Variants in INSC observed in about 807,000 individuals in gnomAD.
INSC encodes protein inscuteable homolog.
Under a neutral mutation model 58.6 loss-of-function variants are expected in INSC, and 67 were observed. The observed-to-expected ratio is 1.14, with a 90% CI of 0.94 to 1.40. The LOEUF is 1.40. Ranked by LOEUF, INSC falls within the 40% of genes most tolerant of loss-of-function variation. INSC has a pLI of 0.00. For synonymous variants in INSC, 262 were observed against 276.1 expected, an observed-to-expected ratio of 0.95 and a Z score of 0.51; for missense variants, 714 against 692.0, an observed-to-expected ratio of 1.03 and a Z score of -0.36.
chr11:15,159,262 C>T (rs1848931628), intron 2 of INSC, among the ~76,000 whole-genome samples: 1 of 152,062 alleles, frequency 6.6e-6, no homozygotes, highest in South Asian at 2.1e-4. Flanking sequence ...AGTTCTGGAG[C>T]CTTGTAGATG....
intron 12 of INSC, chr11:15,241,643 A>G (rs1307539247): frequency 1.4e-6 from 1 of 702,970 alleles, no homozygotes; most frequent in Non-Finnish European, 2.6e-6. Flanking sequence ...TGGCACATTC[A>G]AGGTAATCTT....
downstream of INSC, among the ~76,000 whole-genome samples, chr11:15,251,956 A>G (rs1300794823): frequency 6.6e-6 from 1 of 152,224 alleles, no homozygotes; most frequent in Non-Finnish European, 1.5e-5. Context: ...CATTATTCAT[A>G]GTTGCCCAAA....
intron 1 of INSC, among the ~76,000 whole-genome samples, chr11:15,140,684 TC>T (rs1360172532): frequency 2.0e-5 from 3 of 151,778 alleles, no homozygotes; most frequent in South Asian, 2.1e-4. Flanking sequence ...GTTCAGGCAG[TC>T]CCCCCACCTC....
At chr11:15,169,985 G>A (rs569484654) in intron 2 of INSC, among the ~76,000 whole-genome samples, 7 of 152,260 alleles carry the variant, frequency 4.6e-5, no homozygotes, top group South Asian at 2.1e-4. Flanking sequence ...CCACAGTTAC[G>A]AAAATGTGTG....
At chr11:15,196,011 G>A (rs1171730736) in intron 6 of INSC, among the ~76,000 whole-genome samples, 1 of 152,130 alleles carries the variant, frequency 6.6e-6, no homozygotes, top group Non-Finnish European at 1.5e-5. Context: ...CTACATTTCT[G>A]TCCACAGGCT....
At chr11:15,115,235 CAG>C (rs1847663850) in intron 1 of INSC, among the ~76,000 whole-genome samples, 1 of 152,160 alleles carries the variant, frequency 6.6e-6, no homozygotes, top group African/African-American at 2.4e-5. Context: ...ACGAGTGTGT[CAG>C]AGTGTGTGGT....
At chr11:15,149,345 G>A in intron 2 of INSC, 115 bp downstream of exon 2, 1 of 1,075,524 alleles carries the variant, frequency 9.3e-7, no homozygotes, top group South Asian at 2.3e-5. Flanking sequence ...CAATTTTCTG[G>A]GGAGGATGCC....
chr11:15,171,981 T>C (rs1849417338), intron 2 of INSC, among the ~76,000 whole-genome samples: 1 of 152,166 alleles, frequency 6.6e-6, no homozygotes. Flanking sequence ...TGGCCACAGA[T>C]GGCCAGGGGA....
At chr11:15,222,952 C>T (rs1851501217) in intron 8 of INSC, among the ~76,000 whole-genome samples, 1 of 152,188 alleles carries the variant, frequency 6.6e-6, no homozygotes, top group Admixed American at 6.5e-5. Context: ...AAGTTACTTT[C>T]CTAAGGCCAC....
chr11:15,150,660 C>T (rs181135874), intron 2 of INSC, among the ~76,000 whole-genome samples: 4 of 152,324 alleles, frequency 2.6e-5, no homozygotes, highest in Non-Finnish European at 4.4e-5. Flanking sequence ...TCAGGAGCAA[C>T]AGCCTCCTAG....
At chr11:15,248,878 A>G (rs927580761), downstream of INSC, among the ~76,000 whole-genome samples, 7 of 152,172 alleles carry the variant, frequency 4.6e-5, no homozygotes, top group South Asian at 6.2e-4. Context: ...TAAGGAAGCT[A>G]TTGAGGGATG....
chr11:15,233,339 T>G (rs1340423315), intron 9 of INSC, among the ~76,000 whole-genome samples: 1 of 152,224 alleles, frequency 6.6e-6, no homozygotes, highest in Non-Finnish European at 1.5e-5. Context: ...CATTGTTAAC[T>G]TGTATCCAAC....
chr11:15,215,409 C>G (rs1288533702), intron 7 of INSC, among the ~76,000 whole-genome samples: 1 of 152,180 alleles, frequency 6.6e-6, no homozygotes, highest in African/African-American at 2.4e-5. Context: ...GTGGGCTACT[C>G]CTGGGCCCAT....
chr11:15,212,375 C>T (rs752332543), intron 7 of INSC, among the ~76,000 whole-genome samples: 22 of 152,146 alleles, frequency 1.4e-4, no homozygotes, highest in Non-Finnish European at 2.4e-4. Context: ...TCAGGTGATC[C>T]GCCCACCTCA....
chr11:15,175,954 G>C lies in INSC; in HGVS notation c.270G>C (p.Arg90Ser). 2 of 1,614,040 alleles carry C rather than the reference G, an allele frequency of 1.2e-6. No individual in the cohort carries two copies. Among genetic ancestry groups the C allele is most frequent in the Non-Finnish European group, 1.7e-6 (2 of 1,179,958 alleles). Residue 90 changes from arginine (R) to serine (S), a missense_variant, in exon 3 of 13, where the codon AGG (arginine) becomes AGC (serine). Arg to Ser is a moderately radical substitution (Grantham distance 110). Transcript: ENST00000379556. Reference protein sequence around the residue: ...RGWVISTELRRIGQKLAQDRW... With the variant: ...RGWVISTELRSIGQKLAQDRW... ...GGGTCATTAGCACAGAGCTGCGCAGGATCGGGCAGAAGCTGGCCCAGGACC... is the reference window on the plus strand; with the variant it reads ...GGGTCATTAGCACAGAGCTGCGCAGCATCGGGCAGAAGCTGGCCCAGGACC...
intron 1 of INSC, among the ~76,000 whole-genome samples, chr11:15,139,573 A>G (rs1008794475): frequency 6.6e-5 from 10 of 152,246 alleles, no homozygotes; most frequent in African/African-American, 4.8e-5. Flanking sequence ...AGGTGGAACC[A>G]GTCTTTAGAT....
intron 5 of INSC, among the ~76,000 whole-genome samples, chr11:15,181,414 C>G (rs931360390): frequency 6.6e-6 from 1 of 152,018 alleles, no homozygotes; most frequent in Admixed American, 6.5e-5. Context: ...ACAAATCTCC[C>G]CACCCCCTTC....
chr11:15,180,687 G>GC (rs1365705766), intron 5 of INSC, among the ~76,000 whole-genome samples: 2 of 97,472 alleles, frequency 2.1e-5, no homozygotes, highest in Middle Eastern at 8.6e-3. Flanking sequence ...AGGAGTGAGG[G>GC]GGGGGGCGGG....
At chr11:15,163,483 T>G (rs563623267) in intron 2 of INSC, among the ~76,000 whole-genome samples, 2 of 152,308 alleles carry the variant, frequency 1.3e-5, no homozygotes, top group East Asian at 3.9e-4. Context: ...ATTTACCCTG[T>G]TTCTGTGCTT....
Sources: gnomAD v4.1 joint callset for allele counts (sites outside exome capture counted in the v4.1 genomes callset) on GRCh38, gnomAD v4.1.1 for gene constraint, MANE v1.5 for transcripts, NCBI Gene and HGNC (gene_info 2026-07-23, HGNC 2026-07-21) for gene names.